The following RP1 variants were observed in gnomAD, a reference collection of about 807,000 sequenced individuals.
RP1 encodes RP1 axonemal microtubule associated.
A neutral mutation model predicts 14.8 loss-of-function variants in RP1; 16 were observed. The ratio of observed to expected loss-of-function variants is 1.08; its 90% CI spans 0.73 to 1.65. The LOEUF (loss-of-function observed/expected upper bound fraction) is 1.65, where lower values mean the gene tolerates loss of function less well. RP1 is among the 40% of genes most tolerant of loss of function. RP1 has a pLI of 0.00. For missense variants in RP1, 2,631 were observed against 2,535.0 expected, an observed-to-expected ratio of 1.04 and a Z score of -0.81; for synonymous variants, 876 against 883.6, an observed-to-expected ratio of 0.99 and a Z score of 0.15.
At chr8:54,727,665 T>A (rs1000373758) in intron 17 of RP1, among the ~76,000 whole-genome samples, 1 of 152,060 alleles carries the variant, frequency 6.6e-6, no homozygotes, top group Non-Finnish European at 1.5e-5. Context: ...CCTTTTCAAA[T>A]AATTATTTCA....
intron 12 of RP1, chr8:54,696,767 A>G (rs56059151): frequency 1.4e-6 from 1 of 722,928 alleles, no homozygotes; most frequent in Non-Finnish European, 2.5e-6. Flanking sequence ...GGTAAAAGTC[A>G]CCCCCCAGAA....
At chr8:54,635,069 G>A (rs1212959160), downstream of RP1, among the ~76,000 whole-genome samples, 19 of 147,946 alleles carry the variant, frequency 1.3e-4, no homozygotes, top group Non-Finnish European at 1.9e-4. Flanking sequence ...GCAACAGAGC[G>A]AGACTCCATC....
At chr8:54,759,043 G>T in exon 22 of RP1, 1 of 1,535,354 alleles carries the variant, frequency 6.5e-7, no homozygotes, top group Non-Finnish European at 8.7e-7. Flanking sequence ...AGAGAGCCCG[G>T]CACCACATCC....
At chr8:54,834,960 G>C (rs922314737) in intron 24 of RP1, among the ~76,000 whole-genome samples, 2 of 152,038 alleles carry the variant, frequency 1.3e-5, no homozygotes, top group Non-Finnish European at 2.9e-5. Context: ...TTAAACAGAG[G>C]ATACAGACTT....
At chr8:54,577,126 C>T (rs1804679830) in intron 1 of RP1, among the ~76,000 whole-genome samples, 1 of 152,140 alleles carries the variant, frequency 6.6e-6, no homozygotes, top group Non-Finnish European at 1.5e-5. Flanking sequence ...AGTGATTCTC[C>T]TGCCTCAGCC....
intron 16 of RP1, among the ~76,000 whole-genome samples, chr8:54,720,863 A>T (rs913443734): frequency 1.3e-5 from 2 of 152,228 alleles, no homozygotes; most frequent in Non-Finnish European, 2.9e-5. Flanking sequence ...TTAAACATGT[A>T]TTTGTGTTCA....
intron 25 of RP1, among the ~76,000 whole-genome samples, chr8:54,841,361 T>A (rs928168156): frequency 6.6e-6 from 1 of 152,250 alleles, no homozygotes; most frequent in Non-Finnish European, 1.5e-5. Flanking sequence ...GGAGTTGCCA[T>A]GCTGGTAAAG....
intron 22 of RP1, among the ~76,000 whole-genome samples, chr8:54,766,966 A>G (rs1351895659): frequency 6.6e-6 from 1 of 152,088 alleles, no homozygotes; most frequent in Non-Finnish European, 1.5e-5. Flanking sequence ...CAATTCTCCC[A>G]TCTGTTCATT....
At position 54,674,672 on chromosome 8, in the gene RP1, T is replaced by C. The variant is rs959540000; in HGVS notation, c.1402+744T>C. Among the ~76,000 whole-genome samples the C allele has an allele frequency of 2.6e-5, 4 of 151,910 alleles. No individual in the cohort carries two copies. In the South Asian group the frequency reaches 6.2e-4, roughly 24 times the overall value. Reference sequence around the variant, plus strand: ...GGTAATTAATGAAGGAATTAGGAGGTTGACAAAGCTGGTTGAAAGGAGGTT... The same window carrying C: ...GGTAATTAATGAAGGAATTAGGAGGCTGACAAAGCTGGTTGAAAGGAGGTT... On this transcript the variant is annotated intron_variant, in intron 8 of 22. Transcript: ENST00000636932.
downstream of RP1, among the ~76,000 whole-genome samples, chr8:54,773,844 G>T (rs1160585743): frequency 6.6e-6 from 1 of 152,026 alleles, no homozygotes; most frequent in Non-Finnish European, 1.5e-5. Context: ...AAAATTCTTG[G>T]AGCACTTACT....
chr8:54,822,828 C>T (rs1811291113), intron 24 of RP1, among the ~76,000 whole-genome samples: 1 of 152,170 alleles, frequency 6.6e-6, no homozygotes, highest in Non-Finnish European at 1.5e-5. Context: ...TAGAGGAGAG[C>T]TAACTATACA....
At chr8:54,676,196 A>T (rs930536074) in intron 8 of RP1, among the ~76,000 whole-genome samples, 2 of 152,202 alleles carry the variant, frequency 1.3e-5, no homozygotes, top group African/African-American at 4.8e-5. Context: ...AAATGTAGGC[A>T]CAAAGCTACA....
chr8:54,684,387 T>C (rs1026274895), intron 12 of RP1, among the ~76,000 whole-genome samples: 4 of 152,198 alleles, frequency 2.6e-5, no homozygotes, highest in Non-Finnish European at 5.9e-5. Flanking sequence ...GTACACATGG[T>C]ACCAGGTCCT....
intron 24 of RP1, among the ~76,000 whole-genome samples, chr8:54,805,485 C>G (rs1277765390): frequency 6.6e-6 from 1 of 152,174 alleles, no homozygotes; most frequent in African/African-American, 2.4e-5. Flanking sequence ...GCATATTTCA[C>G]ACCCATGACT....
intron 4 of RP1, among the ~76,000 whole-genome samples, chr8:54,649,458 A>T (rs1806613673): frequency 6.6e-6 from 1 of 152,204 alleles, no homozygotes; most frequent in African/African-American, 2.4e-5. Context: ...AGGGAAAAAT[A>T]AAATTGTCAA....
Position 54,741,705 on chromosome 8 carries a change from GTGTATATATATATA to G in RP1, c.2808+2678_2808+2691del, listed in dbSNP as rs1425387591. Among the ~76,000 whole-genome samples the G allele has an allele frequency of 2.1e-3, 162 of 75,902 alleles. 2 individuals carry two copies. The highest frequency in any genetic ancestry group is 9.0e-3 in the African/African-American group (152 of 16,946). The allele number at this position is 75,902 out of a possible 152,430, so 49.8% of individuals were successfully genotyped here. Reference sequence around the variant, plus strand: ...TATGTACATATAAATACAAATGTGTGTGTATATATATATATATATATATATATATATATATATAT... The same window carrying G: ...TATGTACATATAAATACAAATGTGTGTATATATATATATATATATATATAT... On this transcript the variant is annotated intron_variant, in intron 19 of 22. Transcript: ENST00000636932.
rs1049262963 is a variant in RP1, at chr8:54,625,220, T to G, written c.1338T>G (p.Phe446Leu). ...QGTQDQAKHR[F>L]YRPPTPGLRR... Reference sequence around the variant, plus strand: ...CTCAAGACCAAGCAAAGCATCGTTTTTATAGGCCCCCTACACCTGGACTAA... The same window carrying G: ...CTCAAGACCAAGCAAAGCATCGTTTGTATAGGCCCCCTACACCTGGACTAA... The change falls in exon 4 of 4, where the codon TTT becomes TTG. Residue 446 changes from phenylalanine (F) to leucine (L), a missense_variant. By Grantham distance (22) the Phe-to-Leu change is conservative. Coordinates refer to ENST00000220676, the MANE Select transcript of RP1 (RefSeq NM_006269.2). 6.2e-7 allele frequency: 1 copy of G among 1,614,124 alleles called. No homozygotes were observed. The highest frequency in any genetic ancestry group is 1.7e-5 in the Admixed American group (1 of 60,018).
intron 3 of RP1, among the ~76,000 whole-genome samples, chr8:54,648,037 G>T (rs1413374701): frequency 6.6e-6 from 1 of 152,010 alleles, no homozygotes; most frequent in African/African-American, 2.4e-5. Context: ...AGAGCTGATG[G>T]TTTCAAAAGT....
At chr8:54,830,463 C>T (rs543658716) in intron 24 of RP1, among the ~76,000 whole-genome samples, 1 of 151,978 alleles carries the variant, frequency 6.6e-6, no homozygotes, top group Admixed American at 6.6e-5. Context: ...TTTCTAGTGA[C>T]ATTTCTATTC....
Sources: gnomAD v4.1 joint callset for allele counts (sites outside exome capture counted in the v4.1 genomes callset) on GRCh38, gnomAD v4.1.1 for gene constraint, MANE v1.5 for transcripts, NCBI Gene and HGNC (gene_info 2026-07-23, HGNC 2026-07-21) for gene names.